Variants in SYNE1 observed in about 807,000 individuals in gnomAD.
SYNE1 encodes the protein spectrin repeat containing nuclear envelope protein 1, also known as nesprin-1.
A neutral mutation model predicts 1,111.0 loss-of-function variants in SYNE1; 616 were observed. That is an observed-to-expected ratio of 0.55 (90% CI 0.52 to 0.59). The LOEUF is 0.59. SYNE1 is among the 20% of genes least tolerant of loss of function. The pLI, the probability that SYNE1 is intolerant of heterozygous loss-of-function variation, is 0.00. For synonymous variants in SYNE1, 3,855 were observed against 3,825.8 expected (o/e 1.01, Z -0.28); for missense variants, 10,006 against 10,417.0 (o/e 0.96, Z 1.72).
At chr6:152,444,632 T>C in intron 29 of SYNE1, 54 bp from the exon 30 acceptor site, 1 of 1,533,310 alleles carries the variant, frequency 6.5e-7, no homozygotes, top group Non-Finnish European at 8.8e-7. Flanking sequence ...TTGTTGAAGT[T>C]TGTATAATTT....
chr6:152,354,991 G>A lies in SYNE1; in HGVS notation c.10609-15C>T, dbSNP rs750239221. ...ACCTGTAGCTCCTGCAGAGAAAAAGGTATGGCTGTCACTCTCAATCATATT... is the reference window on the plus strand; with the variant it reads ...ACCTGTAGCTCCTGCAGAGAAAAAGATATGGCTGTCACTCTCAATCATATT... On this transcript the variant is annotated splice_polypyrimidine_tract_variant and intron_variant, in intron 66 of 145. Transcript: ENST00000367255. 1 of 1,612,620 alleles carries A rather than the reference G, an allele frequency of 6.2e-7. No homozygotes were observed. The highest frequency in any genetic ancestry group is 8.5e-7 in the Non-Finnish European group (1 of 1,180,020).
Position 152,180,222 on chromosome 6 carries a change from G to A in SYNE1, c.23374C>T (p.Leu7792Phe), listed in dbSNP as rs376844951. 1 of 1,614,050 alleles carries A rather than the reference G, an allele frequency of 6.2e-7. No individual in the cohort carries two copies. The highest frequency in any genetic ancestry group is 1.1e-5 in the South Asian group (1 of 91,080). The change falls in exon 129 of 146, where the codon CTC becomes TTC. Residue 7792 changes from leucine (L) to phenylalanine (F), a missense_variant. Coordinates refer to ENST00000367255, the MANE Select transcript of SYNE1 (RefSeq NM_182961.4). ...TCCATTTGAGTCAACCACTCACAGA[G>A]TTCCTTGTTCTTTTCACTGAAGACT... ...WAVFSEKNKE[L>F]CEWLTQMESK...
chr6:152,222,526 T>G (rs2080424537), intron 117 of SYNE1, among the ~76,000 whole-genome samples: 1 of 152,210 alleles, frequency 6.6e-6, no homozygotes, highest in South Asian at 2.1e-4. Flanking sequence ...TATTTTTAAC[T>G]TAAAAAAATG....
At chr6:152,160,020 T>A (rs2062135193) in intron 131 of SYNE1, among the ~76,000 whole-genome samples, 1 of 152,150 alleles carries the variant, frequency 6.6e-6, no homozygotes, top group African/African-American at 2.4e-5. Flanking sequence ...TTCTTTTCTT[T>A]TTTTTTAGAC....
intron 119 of SYNE1, 32 bp downstream of exon 119, chr6:152,220,810 T>A (rs371654450): frequency 1.8e-5 from 28 of 1,598,514 alleles, no homozygotes; most frequent in Non-Finnish European, 2.3e-5. Flanking sequence ...AAGAAGGGCA[T>A]GTGGGGAAAA....
At position 152,268,079 on chromosome 6, in the gene SYNE1, C is replaced by A. The variant is rs769712232; in HGVS notation, c.18792G>T (p.Ala6264=). The A allele has an allele frequency of 1.2e-6, 2 of 1,613,898 alleles. No individual in the cohort carries two copies. Among genetic ancestry groups the A allele is most frequent in the Non-Finnish European group, 8.5e-7 (1 of 1,179,856 alleles). Residue 6264 remains alanine (A), a synonymous_variant, in exon 100 of 146, where the codon GCG becomes GCT. Transcript: ENST00000367255. The stretch of plus-strand genomic sequence containing the variant: ...ACCCAGCATCACCAGAGGTCTCTGC[C>A]GCCGAATGTTGAATTAGAATCTCCT... ...RGEEILIQHS[A]AETSGDAGEK... is the part of the protein sequence containing the mutation.
intron 3 of SYNE1, among the ~76,000 whole-genome samples, chr6:152,583,944 A>G (rs963354650): frequency 1.3e-5 from 2 of 152,192 alleles, no homozygotes; most frequent in African/African-American, 2.4e-5. Flanking sequence ...ACAAGGAAGG[A>G]GAAAAACATC....
chr6:152,374,775 A>AAAATAAAT (rs142488346), intron 58 of SYNE1, among the ~76,000 whole-genome samples: 2 of 149,564 alleles, frequency 1.3e-5, no homozygotes, highest in Non-Finnish European at 3.0e-5. Flanking sequence ...ACTTTTCTCA[A>AAAATAAAT]AAATAAATAA....
In SYNE1 at chr6:152,322,488, T is replaced by C. The variant is rs529189812; in HGVS notation, c.15918-602A>G. On this transcript the variant is annotated intron_variant, in intron 82 of 145. Coordinates refer to ENST00000367255, the MANE Select transcript of SYNE1 (RefSeq NM_182961.4). ...ATATTTTTTTCTCTGGCCCAAGAAG[T>C]GAGTCAGGGCTGGTTATACATCAGG... is the stretch of plus-strand genomic sequence containing the variant. 2.4e-3 allele frequency among the ~76,000 whole-genome samples: 367 copies of C among 152,310 alleles called. 1 individual carries two copies. The highest frequency in any genetic ancestry group is 4.0e-3 in the Non-Finnish European group (270 of 68,028).
At chr6:152,385,516 T>G (rs1240504176) in intron 55 of SYNE1, among the ~76,000 whole-genome samples, 158 bp downstream of exon 55, 1 of 152,246 alleles carries the variant, frequency 6.6e-6, no homozygotes, top group Non-Finnish European at 1.5e-5. Flanking sequence ...TTTTGAATTC[T>G]TCTCATGACT....
chr6:152,450,597 C>T (rs1166774161), intron 27 of SYNE1, 28 bp downstream of exon 27: 1 of 1,579,788 alleles, frequency 6.3e-7, no homozygotes, highest in Non-Finnish European at 8.7e-7. Context: ...TTGACTACAC[C>T]CCTCTCTGGA....
At chr6:152,308,660 T>C (rs201074449) in intron 90 of SYNE1, 28 bp from the exon 91 acceptor site, 658 of 1,588,242 alleles carry the variant, frequency 4.1e-4, no homozygotes, top group Non-Finnish European at 5.4e-4. Context: ...AACAGAAAGA[T>C]AGACAGTTTT....
At chr6:152,245,938 C>A (rs2086995327) in intron 105 of SYNE1, among the ~76,000 whole-genome samples, 1 of 152,140 alleles carries the variant, frequency 6.6e-6, no homozygotes, top group African/African-American at 2.4e-5. Context: ...TGACTGAAAG[C>A]AAGGGATGAA....
intron 8 of SYNE1, among the ~76,000 whole-genome samples, chr6:152,506,558 G>A (rs1462291144): frequency 2.0e-5 from 3 of 151,114 alleles, no homozygotes; most frequent in Non-Finnish European, 4.4e-5. Flanking sequence ...TTATTATTAA[G>A]ACAGAATCTC....
intron 47 of SYNE1, among the ~76,000 whole-genome samples, 171 bp downstream of exon 47, chr6:152,400,967 C>T (rs2097804261): frequency 6.6e-6 from 1 of 152,184 alleles, no homozygotes. Context: ...AACACCTGCA[C>T]CCAGTTCTTC....
Position 152,456,057 on chromosome 6 carries a change from GAA to G in SYNE1, c.2569-15_2569-14del. On this transcript the variant is annotated splice_polypyrimidine_tract_variant and intron_variant, in intron 22 of 145. Coordinates refer to ENST00000367255, the MANE Select transcript of SYNE1 (RefSeq NM_182961.4). The stretch of plus-strand genomic sequence containing the variant: ...AAGCTAACAGTTCCTATAACGAAAT[GAA>G]ACCCCACAACAATGTTATTTACAAG... The G allele has an allele frequency of 1.9e-6, 3 of 1,610,760 alleles. No homozygotes were observed. Among genetic ancestry groups the G allele is most frequent in the Non-Finnish European group, 1.7e-6 (2 of 1,179,574 alleles).
chr6:152,513,801 C>T (rs923855902), intron 6 of SYNE1, among the ~76,000 whole-genome samples: 1 of 152,018 alleles, frequency 6.6e-6, no homozygotes, highest in Non-Finnish European at 1.5e-5. Context: ...CAAACAACTC[C>T]ATCAAAAAGT....
intron 98 of SYNE1, among the ~76,000 whole-genome samples, chr6:152,275,573 T>C (rs2153698732): frequency 6.6e-6 from 1 of 152,240 alleles, no homozygotes. Context: ...TATTGTAATA[T>C]TGTATTTTAA....
intron 3 of SYNE1, among the ~76,000 whole-genome samples, chr6:152,624,627 T>G (rs540351022): frequency 3.7e-4 from 57 of 152,170 alleles, no homozygotes; most frequent in Non-Finnish European, 6.9e-4. Flanking sequence ...GCTTTTACGG[T>G]TATATTTAAA....
Sources: allele counts gnomAD v4.1 joint callset (sites outside exome capture counted in the v4.1 genomes callset), GRCh38; gene constraint gnomAD v4.1.1; transcripts MANE v1.5; gene names NCBI Gene and HGNC (gene_info 2026-07-23, HGNC 2026-07-21).